Variants in CYP3A5 observed in about 807,000 individuals in gnomAD.
The protein encoded by CYP3A5 is cytochrome P450 family 3 subfamily A member 5, also known as cytochrome P450 3A5.
A neutral mutation model predicts 55.9 loss-of-function variants in CYP3A5; 51 were observed. The observed-to-expected ratio is 0.91, with a 90% CI of 0.73 to 1.15. The LOEUF (loss-of-function observed/expected upper bound fraction) is 1.15, where lower values mean the gene tolerates loss of function less well. Among genes scored for constraint, CYP3A5 ranks in the 50% most tolerant of loss-of-function variants. CYP3A5 has a pLI of 0.00. For missense variants in CYP3A5, 533 were observed against 596.6 expected, an observed-to-expected ratio of 0.89 and a Z score of 1.11; for synonymous variants, 196 against 213.9, an observed-to-expected ratio of 0.92 and a Z score of 0.73.
At chr7:99,664,171 T>G in intron 7 of CYP3A5, 76 bp from the exon 8 acceptor site, 2 of 1,173,694 alleles carry the variant, frequency 1.7e-6, no homozygotes, top group Non-Finnish European at 2.5e-6. Context: ...TAATTTTCTC[T>G]ACCAGTAATA....
At chr7:99,663,378 G>C in intron 8 of CYP3A5, 1 of 991,222 alleles carries the variant, frequency 1.0e-6, no homozygotes, top group Non-Finnish European at 1.2e-6. Flanking sequence ...TGGGTTACCT[G>C]GTCCTGTCTC....
Position 99,652,614 on chromosome 7 carries a change from T to C in CYP3A5, c.1192A>G (p.Thr398Ala). 2.5e-6 allele frequency: 4 copies of C among 1,614,102 alleles called. No individual in the cohort carries two copies. The highest frequency in any genetic ancestry group is 3.4e-6 in the Non-Finnish European group (4 of 1,179,984). ...TTTGGGTCATGGTGAAGAGCATAAG[T>C]TGGAATCACCACCATTGACCCTTTG... ...IPKGSMVVIP[T>A]YALHHDPKYW... Residue 398 changes from threonine to alanine, a missense_variant, in exon 11 of 13, where the codon ACT becomes GCT. Thr to Ala is a moderately conservative substitution (Grantham distance 58). Transcript: ENST00000222982.
In CYP3A5 at chr7:99,664,074, G is replaced by A; in HGVS notation, c.692C>T (p.Pro231Leu). Residue 231 changes from proline (P) to leucine (L), a missense_variant, in exon 8 of 13, where the codon CCA becomes CTA. By Grantham distance (98) the Pro-to-Leu change is moderately conservative. Transcript: ENST00000222982. ...LSIILFPFLTPVFEALNVSLF... is the reference protein window; with the variant it reads ...LSIILFPFLTLVFEALNVSLF... ...AGAGACATTTAATGCTTCAAAAACT[G>A]GGGTAAGGAATGGAAAGAGTACTGT... 2.5e-6 allele frequency: 4 copies of A among 1,590,324 alleles called. No individual in the cohort carries two copies. The highest frequency in any genetic ancestry group is 1.2e-5 in the South Asian group (1 of 85,060).
intron 10 of CYP3A5, 80 bp from the exon 11 acceptor site, chr7:99,652,859 AT>A: frequency 9.7e-7 from 1 of 1,033,420 alleles, no homozygotes; most frequent in Non-Finnish European, 1.4e-6. Flanking sequence ...CTATTGAAGT[AT>A]TAGAAGCTCC....
intron 4 of CYP3A5, among the ~76,000 whole-genome samples, chr7:99,669,966 C>A (rs1048393112): frequency 2.0e-5 from 3 of 152,098 alleles, no homozygotes; most frequent in Non-Finnish European, 4.4e-5. Flanking sequence ...TCAAGAAAAT[C>A]CATGTGCACA....
chr7:99,664,061 T>C lies in CYP3A5; in HGVS notation c.705A>G (p.Ala235=). 1 of 1,595,886 alleles carries C rather than the reference T, an allele frequency of 6.3e-7. No homozygotes were observed. The highest frequency in any genetic ancestry group is 8.5e-7 in the Non-Finnish European group (1 of 1,175,938). The change falls in exon 8 of 13, where the codon GCA becomes GCG. Residue 235 remains alanine, a synonymous_variant. Coordinates refer to ENST00000222982, the MANE Select transcript of CYP3A5 (RefSeq NM_000777.5). ...LFPFLTPVFE[A]LNVSLFPKDT... is the part of the protein sequence containing the mutation. ...CTTTTGGAAACAGAGAGACATTTAA[T>C]GCTTCAAAAACTGGGGTAAGGAATG...
Position 99,652,723 on chromosome 7 carries a change from A to C in CYP3A5, c.1083T>G (p.Asn361Lys). 1 of 1,614,154 alleles carries C rather than the reference A, an allele frequency of 6.2e-7. No homozygotes were observed. Among genetic ancestry groups the C allele is most frequent in the African/African-American group, 1.3e-5 (1 of 75,040 alleles). ...VQMEYLDMVVNETLRLFPVAI... is the reference protein window; with the variant it reads ...VQMEYLDMVVKETLRLFPVAI... Reference sequence around the variant, plus strand: ...CAACTGGGAATAATCTGAGTGTTTCATTCACCACCATGTCAAGGTACTCCA... The same window carrying C: ...CAACTGGGAATAATCTGAGTGTTTCCTTCACCACCATGTCAAGGTACTCCA... The change falls in exon 11 of 13, where the codon AAT (asparagine) becomes AAG (lysine). Residue 361 changes from asparagine (N) to lysine (K), a missense_variant. By Grantham distance (94) the Asn-to-Lys change is moderately conservative (BLOSUM62 0). Coordinates refer to ENST00000222982, the MANE Select transcript of CYP3A5 (RefSeq NM_000777.5).
intron 8 of CYP3A5, 190 bp downstream of exon 8, chr7:99,663,778 G>T (rs1233444314): frequency 1.6e-6 from 2 of 1,257,104 alleles, no homozygotes; most frequent in Non-Finnish European, 2.0e-6. Context: ...AGTTTTAAAT[G>T]CTATCTCTCT....
At chr7:99,648,936 C>T (rs1808885284) in intron 12 of CYP3A5, among the ~76,000 whole-genome samples, 1 of 152,140 alleles carries the variant, frequency 6.6e-6, no homozygotes, top group African/African-American at 2.4e-5. Flanking sequence ...TTCTTTTTAA[C>T]ATCTCCTCTT....
intron 8 of CYP3A5, chr7:99,663,415 G>A: frequency 1.0e-6 from 1 of 989,962 alleles, no homozygotes; most frequent in Non-Finnish European, 1.2e-6. Context: ...CCTTCGGCTG[G>A]CCTCTAGGGC....
intron 7 of CYP3A5, 145 bp from the exon 8 acceptor site, chr7:99,664,240 C>A: frequency 1.3e-6 from 1 of 769,430 alleles, no homozygotes; most frequent in South Asian, 1.8e-5. Flanking sequence ...GTTTGCCCTT[C>A]TTTCAGGCCG....
intron 4 of CYP3A5, among the ~76,000 whole-genome samples, chr7:99,668,652 G>A (rs2151431124): frequency 6.6e-6 from 1 of 152,288 alleles, no homozygotes; most frequent in Non-Finnish European, 1.5e-5. Flanking sequence ...GAAATTAAAA[G>A]CCATTAAAAT....
At chr7:99,655,988 A>G (rs1487911600) in intron 10 of CYP3A5, among the ~76,000 whole-genome samples, 1 of 152,206 alleles carries the variant, frequency 6.6e-6, no homozygotes, top group Non-Finnish European at 1.5e-5. Flanking sequence ...GGCTGAGACG[A>G]TGGGGTTTTC....
chr7:99,670,405 T>C (rs192075145), intron 4 of CYP3A5, among the ~76,000 whole-genome samples: 11 of 152,350 alleles, frequency 7.2e-5, no homozygotes, highest in Admixed American at 2.0e-4. Context: ...CATTTCGACA[T>C]GTTGGCTAAA....
At chr7:99,672,538 G>A (rs190526988) in intron 4 of CYP3A5, 42 bp downstream of exon 4, 1 of 1,503,606 alleles carries the variant, frequency 6.7e-7, no homozygotes, top group South Asian at 1.1e-5. Context: ...AATTTAATCA[G>A]TGGATCAATC....
intron 1 of CYP3A5, chr7:99,676,642 G>T: frequency 1.0e-6 from 1 of 956,564 alleles, no homozygotes; most frequent in African/African-American, 1.7e-5. Flanking sequence ...ATCACTGTAT[G>T]CACTCAATCA....
chr7:99,674,717 A>C (rs1812052157), intron 2 of CYP3A5, 132 bp from the exon 3 acceptor site: 1 of 646,894 alleles, frequency 1.5e-6, no homozygotes, highest in South Asian at 2.1e-5. Context: ...GAAGGAAGCT[A>C]TTCAGAGATG....
Position 99,648,304 on chromosome 7 carries a change from C to T in CYP3A5, c.*1G>A, listed in dbSNP as rs761349666. On this transcript the variant is annotated 3_prime_UTR_variant, in exon 13 of 13. Coordinates refer to ENST00000222982, the MANE Select transcript of CYP3A5 (RefSeq NM_000777.5). The stretch of plus-strand genomic sequence containing the variant: ...ACCAAAGTAGAAATCCTTAGAATAA[C>T]TCATTCTCCACTTAGGGTTCCATCT... 1.2e-6 allele frequency: 2 copies of T among 1,610,782 alleles called. No individual in the cohort carries two copies. The highest frequency in any genetic ancestry group is 1.7e-5 in the Admixed American group (1 of 59,656).
chr7:99,660,887 C>T (rs1393493155), intron 9 of CYP3A5, among the ~76,000 whole-genome samples: 1 of 152,206 alleles, frequency 6.6e-6, no homozygotes, highest in African/African-American at 2.4e-5. Flanking sequence ...GTGGGCCACA[C>T]ACTCCTCATC....
Sources: allele counts gnomAD v4.1 joint callset (sites outside exome capture counted in the v4.1 genomes callset), GRCh38; gene constraint gnomAD v4.1.1; transcripts MANE v1.5; gene names NCBI Gene and HGNC (gene_info 2026-07-23, HGNC 2026-07-21).